Variants in AK4 observed in about 807,000 individuals in gnomAD.
AK4 encodes adenylate kinase 4.
In AK4, 13 loss-of-function variants were observed where a neutral mutation model predicts 24.6. The ratio of observed to expected loss-of-function variants is 0.53; its 90% CI spans 0.34 to 0.84. AK4 has a LOEUF of 0.84. Ranked by LOEUF, AK4 falls within the 40% of genes least tolerant of loss-of-function variation. AK4 has a pLI of 0.01. For synonymous variants in AK4, 88 were observed against 107.0 expected (o/e 0.82, Z 1.10); for missense variants, 192 against 288.2 (o/e 0.67, Z 2.42).
intron 2 of AK4, among the ~76,000 whole-genome samples, chr1:65,206,211 T>C (rs1373715284): frequency 1.3e-5 from 2 of 152,220 alleles, no homozygotes; most frequent in Non-Finnish European, 2.9e-5. Flanking sequence ...ATTTTGTTCA[T>C]GGCTATATTG....
intron 1 of AK4, among the ~76,000 whole-genome samples, chr1:65,185,023 C>CA (rs943195955): frequency 6.6e-6 from 1 of 152,146 alleles, no homozygotes; most frequent in Non-Finnish European, 1.5e-5. Flanking sequence ...AAGTCTTCCA[C>CA]AGAGTTATTT....
At chr1:65,163,130 A>C (rs1570072195) in intron 1 of AK4, among the ~76,000 whole-genome samples, 2 of 152,294 alleles carry the variant, frequency 1.3e-5, no homozygotes, top group East Asian at 3.9e-4. Flanking sequence ...ATACCTAAGG[A>C]TAGCAATACA....
Position 65,159,162 on chromosome 1 carries a change from T to C in AK4, c.145+10610T>C, listed in dbSNP as rs569115966. Among the ~76,000 whole-genome samples the C allele has an allele frequency of 1.6e-4, 25 of 152,372 alleles. No homozygotes were observed. In the East Asian group the frequency reaches 4.2e-3, roughly 26 times the overall value. On this transcript the variant is annotated intron_variant, in intron 1 of 4. Coordinates refer to ENST00000327299, the MANE Select transcript of AK4 (RefSeq NM_013410.4). ...ATTTTCTGATCTTCAGCACCTTCTG[T>C]CTGGGCAGCAGTAACCTGTAACCCT...
chr1:65,152,316 A>ATCTCCCTCTCTCTCTCTCTCTC (rs1649798657), intron 1 of AK4, among the ~76,000 whole-genome samples: 1 of 32,472 alleles, frequency 3.1e-5, no homozygotes, highest in Non-Finnish European at 6.0e-5. Context: ...TGCACTTGCT[A>ATCTCCCTCTCTCTCTCTCTCTC]TCTCTCTCTC....
At chr1:65,206,177 C>G (rs921881288) in intron 2 of AK4, among the ~76,000 whole-genome samples, 3 of 152,202 alleles carry the variant, frequency 2.0e-5, no homozygotes. Context: ...CCAGTGCAGG[C>G]CCCAGAAAGC....
chr1:65,187,860 A>G (rs1306732322), intron 1 of AK4, among the ~76,000 whole-genome samples: 1 of 152,202 alleles, frequency 6.6e-6, no homozygotes, highest in Non-Finnish European at 1.5e-5. Context: ...ATACTAGTCA[A>G]ATGAATGTGG....
At chr1:65,211,053 A>G (rs1570132759) in intron 2 of AK4, among the ~76,000 whole-genome samples, 1 of 152,142 alleles carries the variant, frequency 6.6e-6, no homozygotes, top group African/African-American at 2.4e-5. Flanking sequence ...AACAACTTGG[A>G]TGTCCACCAT....
Position 65,183,650 on chromosome 1 carries a change from CGTGTGTGTGTGTGTGTGTGT to C in AK4, c.146-7035_146-7016del, listed in dbSNP as rs56067788. On this transcript the variant is annotated intron_variant, in intron 1 of 4. Coordinates refer to ENST00000327299, the MANE Select transcript of AK4 (RefSeq NM_013410.4). ...ATGGATTTTGTGCTATATAAATATC[CGTGTGTGTGTGTGTGTGTGT>C]GTGTGTGTGTGTGTGTGTGTGTGTA... Among the ~76,000 whole-genome samples, 17 of 140,810 alleles carry C rather than the reference CGTGTGTGTGTGTGTGTGTGT, an allele frequency of 1.2e-4. 1 individual carries two copies. In the East Asian group the frequency reaches 3.0e-3, roughly 25 times the overall value. 92.4% of individuals were successfully genotyped at this position (140,810 alleles called of 152,430 possible).
At chr1:65,207,823 C>G (rs561693394) in intron 2 of AK4, among the ~76,000 whole-genome samples, 2 of 152,280 alleles carry the variant, frequency 1.3e-5, no homozygotes, top group South Asian at 4.1e-4. Flanking sequence ...AGTTAGTTCT[C>G]TTAGGCTAAT....
intron 2 of AK4, among the ~76,000 whole-genome samples, chr1:65,212,530 C>T (rs556348433): frequency 6.6e-6 from 1 of 152,176 alleles, no homozygotes; most frequent in African/African-American, 2.4e-5. Context: ...GGTCTGTCAC[C>T]TAGGCTGTAG....
intron 1 of AK4, among the ~76,000 whole-genome samples, chr1:65,170,954 CTTT>C (rs36098576): frequency 2.1e-4 from 23 of 109,000 alleles, no homozygotes; most frequent in African/African-American, 5.9e-4. Context: ...TGTCTTCTTC[CTTT>C]TTTTTTTTTT....
Position 65,169,535 on chromosome 1 carries a change from G to T in AK4, c.145+20983G>T, listed in dbSNP as rs1424079570. The stretch of plus-strand genomic sequence containing the variant: ...AGTAATGATAGAGCTAACACACAGG[G>T]TTTTCTAGTATTACACAGATTCATA... On this transcript the variant is annotated intron_variant, in intron 1 of 4. Coordinates refer to ENST00000327299, the MANE Select transcript of AK4 (RefSeq NM_013410.4). Among the ~76,000 whole-genome samples the T allele has an allele frequency of 2.0e-5, 3 of 152,146 alleles. No homozygotes were observed. In the East Asian group the frequency reaches 5.8e-4, roughly 29 times the overall value.
chr1:65,151,337 T>C (rs566111590), intron 1 of AK4, among the ~76,000 whole-genome samples: 63 of 152,194 alleles, frequency 4.1e-4, no homozygotes, highest in Non-Finnish European at 8.8e-4. Flanking sequence ...AAAATGCCTG[T>C]CTCACACCCA....
At chr1:65,202,254 G>A (rs538655452) in intron 2 of AK4, among the ~76,000 whole-genome samples, 124 of 152,092 alleles carry the variant, frequency 8.2e-4, no homozygotes, top group African/African-American at 2.3e-3. Flanking sequence ...AAAATTAGCC[G>A]GGCGTGGTTG....
chr1:65,192,675 C>T (rs1651342395), intron 2 of AK4, among the ~76,000 whole-genome samples: 1 of 152,170 alleles, frequency 6.6e-6, no homozygotes, highest in African/African-American at 2.4e-5. Context: ...GAGACAAATT[C>T]CCTTCAGCTG....
intron 1 of AK4, among the ~76,000 whole-genome samples, chr1:65,186,511 T>G (rs1225108162): frequency 6.6e-6 from 1 of 152,238 alleles, no homozygotes. Context: ...CCAACTGTTT[T>G]AACTTTTCCT....
At chr1:65,170,652 T>C (rs1173468425) in intron 1 of AK4, among the ~76,000 whole-genome samples, 2 of 152,152 alleles carry the variant, frequency 1.3e-5, no homozygotes, top group Non-Finnish European at 1.5e-5. Context: ...CGGCGCGAGA[T>C]GTTCTAAGTG....
chr1:65,220,621 A>G (rs1652268042), intron 3 of AK4, among the ~76,000 whole-genome samples: 1 of 152,118 alleles, frequency 6.6e-6, no homozygotes, highest in South Asian at 2.1e-4. Flanking sequence ...GATTACAGGC[A>G]TGTGCCAGCA....
At chr1:65,184,318 T>G (rs1651015190) in intron 1 of AK4, among the ~76,000 whole-genome samples, 1 of 152,224 alleles carries the variant, frequency 6.6e-6, no homozygotes, top group Non-Finnish European at 1.5e-5. Flanking sequence ...ATATAATGTT[T>G]GGAATCTGAC....
Sources: allele counts gnomAD v4.1 joint callset (sites outside exome capture counted in the v4.1 genomes callset), GRCh38; gene constraint gnomAD v4.1.1; transcripts MANE v1.5; gene names NCBI Gene and HGNC (gene_info 2026-07-23, HGNC 2026-07-21).